The following SERPINB12 variants were observed in gnomAD, a reference collection of about 807,000 sequenced individuals.
SERPINB12 encodes the protein serpin family B member 12, also known as serpin B12.
In SERPINB12, 57 loss-of-function variants were observed where a neutral mutation model predicts 41.1. The ratio of observed to expected loss-of-function variants is 1.39; its 90% CI spans 1.12 to 1.73. The LOEUF (loss-of-function observed/expected upper bound fraction) is 1.73, where lower values mean the gene tolerates loss of function less well. Ranked by LOEUF, SERPINB12 falls within the 40% of genes most tolerant of loss-of-function variation. SERPINB12 has a pLI of 0.00. For synonymous variants in SERPINB12, 180 were observed against 181.3 expected (o/e 0.99, Z 0.06); for missense variants, 536 against 501.9 (o/e 1.07, Z -0.65).
intron 1 of SERPINB12, among the ~76,000 whole-genome samples, chr18:63,548,614 G>A (rs545935306): frequency 6.6e-6 from 1 of 152,050 alleles, no homozygotes; most frequent in Admixed American, 6.5e-5. Flanking sequence ...AGTTCATAAT[G>A]ATCCATAAAT....
the SERPINB12 span, among the ~76,000 whole-genome samples, chr18:63,520,890 G>A: frequency 2.6e-5 from 4 of 152,210 alleles, no homozygotes; most frequent in East Asian, 1.9e-4. Context: ...TATTTATTTC[G>A]CAGTAGCCTT....
intron 2 of SERPINB12, among the ~76,000 whole-genome samples, chr18:63,557,760 C>G (rs1263375396): frequency 6.6e-6 from 1 of 152,144 alleles, no homozygotes; most frequent in Non-Finnish European, 1.5e-5. Context: ...CTACCAGGCT[C>G]TGGATAACTT....
At chr18:63,531,734 A>G in the SERPINB12 span, among the ~76,000 whole-genome samples, 1 of 152,246 alleles carries the variant, frequency 6.6e-6, no homozygotes, top group Admixed American at 6.5e-5. Flanking sequence ...TAATATAGAT[A>G]ACTTGCAACA....
Position 63,564,078 on chromosome 18 carries a change from T to C in SERPINB12, c.663T>C (p.Phe221=). 1.9e-6 allele frequency: 3 copies of C among 1,614,126 alleles called. No individual in the cohort carries two copies. The highest frequency in any genetic ancestry group is 2.7e-5 in the African/African-American group (2 of 75,038). ...VYFKAKWETY[F]DHENTVDAPF... ...TCAAGGCCAAATGGGAAACATACTT[T>C]GACCATGAAAACACGGTGGATGCAC... Residue 221 remains phenylalanine, a synonymous_variant, in exon 6 of 8, where the codon TTT becomes TTC. Transcript: ENST00000382768.
At chr18:63,520,653 A>C in the SERPINB12 span, among the ~76,000 whole-genome samples, 1 of 152,212 alleles carries the variant, frequency 6.6e-6, no homozygotes, top group Non-Finnish European at 1.5e-5. Flanking sequence ...AAACCAGGAC[A>C]GTGGTAGAAA....
chr18:63,555,349 G>A (rs1910639540), intron 1 of SERPINB12, among the ~76,000 whole-genome samples: 1 of 152,170 alleles, frequency 6.6e-6, no homozygotes, highest in South Asian at 2.1e-4. Context: ...ACAGGCAAAA[G>A]GTGTAAGCAG....
At chr18:63,530,588 T>C in the SERPINB12 span, among the ~76,000 whole-genome samples, 5 of 152,334 alleles carry the variant, frequency 3.3e-5, no homozygotes, top group South Asian at 2.1e-4. Flanking sequence ...GCTGTCCCAC[T>C]GCTGCCTTGA....
intron 1 of SERPINB12, among the ~76,000 whole-genome samples, chr18:63,549,172 A>G (rs1910460782): frequency 6.6e-6 from 1 of 152,160 alleles, no homozygotes; most frequent in South Asian, 2.1e-4. Context: ...TGTTCATATA[A>G]ACAGGCACGT....
upstream of SERPINB12, among the ~76,000 whole-genome samples, chr18:63,541,593 ATGT>A (rs1309189132): frequency 6.6e-6 from 1 of 152,158 alleles, no homozygotes; most frequent in Non-Finnish European, 1.5e-5. Flanking sequence ...AAAAGAGCTG[ATGT>A]TGTTCTATGA....
chr18:63,567,049 A>C lies in SERPINB12; in HGVS notation c.*38A>C, dbSNP rs778442122. On this transcript the variant is annotated 3_prime_UTR_variant, in exon 8 of 8. Coordinates refer to ENST00000382768, the MANE Select transcript of SERPINB12 (RefSeq NM_001307928.2). ...GTCTAGTACTTTGGAGCTGGAGGAA[A>C]ATATCAATACAATCTTCCCCTGGCA... The C allele has an allele frequency of 6.6e-7, 1 of 1,515,340 alleles. No homozygotes were observed. The highest frequency in any genetic ancestry group is 2.3e-5 in the East Asian group (1 of 43,924). The allele number at this position is 1,515,340 out of a possible 1,614,324, so 93.9% of individuals were successfully genotyped here.
rs1461259750 is a variant in SERPINB12 at position 63,556,327 on chromosome 18, G to T, written c.168G>T (p.Glu56Asp). ...GTGACAGTGCACATCAGATTGATGA[G>T]GTACGTGTCCACTAGGGTGCTACAC... ...ARSDSAHQID[E>D]VLHFNEFSQN... Residue 56 changes from glutamate (E) to aspartate (D), a missense_variant and splice_region_variant, in exon 2 of 8, where the codon GAG becomes GAT. Coordinates refer to ENST00000382768, the MANE Select transcript of SERPINB12 (RefSeq NM_001307928.2). 1 of 1,613,450 alleles carries T rather than the reference G, an allele frequency of 6.2e-7. No individual in the cohort carries two copies.
At position 63,556,078 on chromosome 18, in the gene SERPINB12, ATTGT is replaced by A. The variant is rs976909638; in HGVS notation, c.-18-58_-18-55del. The A allele has an allele frequency of 4.0e-5, 47 of 1,182,836 alleles. No homozygotes were observed. In the African/African-American group the frequency reaches 4.4e-4, roughly 11 times the overall value. 73.3% of individuals were successfully genotyped at this position (1,182,836 alleles called of 1,614,324 possible). A position where few individuals can be genotyped will look rare whatever the true frequency, so the allele number is the denominator to read the frequency against. ...TTGTATTTCAGGTATGTAAAATAAA[ATTGT>A]TTGTTCACTTATTTTCTTCCAATCA... On this transcript the variant is annotated intron_variant, in intron 1 of 7. Coordinates refer to ENST00000382768, the MANE Select transcript of SERPINB12 (RefSeq NM_001307928.2).
upstream of SERPINB12, among the ~76,000 whole-genome samples, chr18:63,538,669 G>C (rs941017743): frequency 6.6e-6 from 1 of 152,106 alleles, no homozygotes; most frequent in East Asian, 1.9e-4. Context: ...ACAAGCTTTT[G>C]TGTGGACATA....
chr18:63,562,057 TCAAA>T (rs1910928799), intron 5 of SERPINB12, among the ~76,000 whole-genome samples: 1 of 152,126 alleles, frequency 6.6e-6, no homozygotes, highest in Admixed American at 6.5e-5. Flanking sequence ...CTGAACAGCA[TCAAA>T]CAGTTAAACT....
At chr18:63,550,021 A>G (rs948393691) in intron 1 of SERPINB12, among the ~76,000 whole-genome samples, 1 of 152,188 alleles carries the variant, frequency 6.6e-6, no homozygotes, top group Non-Finnish European at 1.5e-5. Flanking sequence ...TGAAAAATAG[A>G]GACAATATTT....
chr18:63,532,728 C>T, the SERPINB12 span, among the ~76,000 whole-genome samples: 4 of 152,200 alleles, frequency 2.6e-5, no homozygotes, highest in African/African-American at 9.6e-5. Context: ...GGTTGCTAAC[C>T]TCTCAGGGTG....
intron 6 of SERPINB12, among the ~76,000 whole-genome samples, chr18:63,564,943 T>C (rs1911042900): frequency 6.6e-6 from 1 of 152,126 alleles, no homozygotes; most frequent in Admixed American, 6.5e-5. Flanking sequence ...CCCAGCATTT[T>C]TGGAGGCTGA....
In SERPINB12 at chr18:63,567,376, A is replaced by G. The variant is rs1911147599; in HGVS notation, c.*365A>G. ...CAGAAGCCACTTTAACATGGGCAGC[A>G]AGAGAACATGTTTGACTGGAACGTG... On this transcript the variant is annotated 3_prime_UTR_variant, in exon 8 of 8. Transcript: ENST00000382768. Among the ~76,000 whole-genome samples the G allele has an allele frequency of 6.6e-6, 1 of 152,196 alleles. No homozygotes were observed. Among genetic ancestry groups the G allele is most frequent in the Admixed American group, 6.5e-5 (1 of 15,284 alleles).
chr18:63,533,980 GT>G, the SERPINB12 span, among the ~76,000 whole-genome samples: 1 of 152,216 alleles, frequency 6.6e-6, no homozygotes, highest in East Asian at 1.9e-4. Flanking sequence ...GAACAAATCT[GT>G]TTTGTGAGGT....
Sources: gnomAD v4.1 joint callset for allele counts (sites outside exome capture counted in the v4.1 genomes callset) on GRCh38, gnomAD v4.1.1 for gene constraint, MANE v1.5 for transcripts, NCBI Gene and HGNC (gene_info 2026-07-23, HGNC 2026-07-21) for gene names.